Variants in ATP2B3 observed in about 807,000 individuals in gnomAD.
ATP2B3 encodes the protein ATPase plasma membrane Ca2+ transporting 3, also known as plasma membrane calcium-transporting ATPase 3.
ATP2B3 carries 12 observed loss-of-function variants against 70.8 expected under a neutral mutation model. The ratio of observed to expected loss-of-function variants is 0.17; its 90% CI spans 0.11 to 0.27. The LOEUF (loss-of-function observed/expected upper bound fraction) is 0.27, where lower values mean the gene tolerates loss of function less well. ATP2B3 is among the 10% of genes least tolerant of loss of function. ATP2B3 has a pLI of 1.00. For missense variants in ATP2B3, 858 were observed against 1,118.5 expected, an observed-to-expected ratio of 0.77 and a Z score of 3.32; for synonymous variants, 460 against 497.8, an observed-to-expected ratio of 0.92 and a Z score of 1.01.
chrX:153,559,021 C>A (rs781991772), intron 17 of ATP2B3, among the ~76,000 whole-genome samples: 259 of 77,408 alleles, frequency 3.3e-3, no homozygotes, highest in Non-Finnish European at 3.7e-3. Context: ...TCAACTTGGT[C>A]TTTTCAAAAC....
intron 2 of ATP2B3, among the ~76,000 whole-genome samples, chrX:153,527,099 T>A (rs183977587): frequency 3.6e-5 from 4 of 112,634 alleles, no homozygotes; most frequent in African/African-American, 1.3e-4. Flanking sequence ...CTTAATTACC[T>A]ATTTAGGCCC....
chrX:153,524,871 G>A (rs1044085918), intron 2 of ATP2B3, among the ~76,000 whole-genome samples: 1 of 111,974 alleles, frequency 8.9e-6, no homozygotes, highest in Non-Finnish European at 1.9e-5. Flanking sequence ...CTCCCTCCCC[G>A]CCAAGATAAA....
At chrX:153,523,967 A>G (rs1435346877) in intron 2 of ATP2B3, among the ~76,000 whole-genome samples, 1 of 111,869 alleles carries the variant, frequency 8.9e-6, no homozygotes, top group Non-Finnish European at 1.9e-5. Context: ...AAGTGCTGGA[A>G]TGAAAGGCGT....
At chrX:153,525,500 A>C (rs2090018670) in intron 2 of ATP2B3, among the ~76,000 whole-genome samples, 1 of 111,922 alleles carries the variant, frequency 8.9e-6, no homozygotes, top group Non-Finnish European at 1.9e-5. Context: ...CACCAGGCAC[A>C]AGGGTCCATT....
At chrX:153,555,534 T>G (rs1019085448) in intron 13 of ATP2B3, among the ~76,000 whole-genome samples, 3 of 111,517 alleles carry the variant, frequency 2.7e-5, no homozygotes, top group Non-Finnish European at 5.7e-5. Context: ...TCCCCGAGCC[T>G]GAAGAGCCAC....
intron 5 of ATP2B3, among the ~76,000 whole-genome samples, 166 bp from the exon 6 acceptor site, chrX:153,542,157 A>G (rs1313325666): frequency 2.4e-5 from 1 of 42,544 alleles, no homozygotes; most frequent in African/African-American, 4.8e-5. Flanking sequence ...CACAGCCTCC[A>G]CGGCGGGCTT....
At position 153,556,324 on chromosome X, in the gene ATP2B3, T is replaced by A; in HGVS notation, c.2239-7T>A. ...CTCTGCAGCGTCCTTGTGCTTCCCC[T>A]CCCCAGATAGAACAGGAGCGGCTGG... On this transcript the variant is annotated splice_polypyrimidine_tract_variant and splice_region_variant and intron_variant, in intron 14 of 21. Coordinates refer to ENST00000263519, the MANE Select transcript of ATP2B3 (RefSeq NM_001001344.3). 1 of 1,205,042 alleles carries A rather than the reference T, an allele frequency of 8.3e-7. No individual in the cohort carries two copies. The highest frequency in any genetic ancestry group is 1.1e-6 in the Non-Finnish European group (1 of 892,992).
chrX:153,533,811 G>C (rs941371093), intron 2 of ATP2B3, among the ~76,000 whole-genome samples: 1 of 111,829 alleles, frequency 8.9e-6, no homozygotes, highest in Non-Finnish European at 1.9e-5. Flanking sequence ...GCAGCTGTAC[G>C]ACCTGGTATG....
At chrX:153,531,296 C>A (rs2090114103) in intron 2 of ATP2B3, among the ~76,000 whole-genome samples, 1 of 113,377 alleles carries the variant, frequency 8.8e-6, no homozygotes, top group African/African-American at 3.2e-5. Flanking sequence ...TAGGGGCCCA[C>A]CCCGGGCCTG....
chrX:153,520,215 G>A, intron 2 of ATP2B3, among the ~76,000 whole-genome samples: 1 of 112,791 alleles, frequency 8.9e-6, no homozygotes, highest in South Asian at 3.7e-4. Context: ...GCCACGGAGT[G>A]CCGGGGTCAG....
Position 153,580,348 on chromosome X carries a change from A to G in ATP2B3, c.*50A>G. On this transcript the variant is annotated 3_prime_UTR_variant, in exon 22 of 22. Transcript: ENST00000263519. ...CACACGCACACTCGGACTCACACGA[A>G]GTCACACGCACACATGCACGCACAC... is the stretch of plus-strand genomic sequence containing the variant. 5 of 1,103,855 alleles carry G rather than the reference A, an allele frequency of 4.5e-6. No homozygotes were observed. The highest frequency in any genetic ancestry group is 6.2e-6 in the Non-Finnish European group (5 of 810,912). 91.0% of individuals were successfully genotyped at this position (1,103,855 alleles called of 1,213,427 possible). A position where few individuals can be genotyped will look rare whatever the true frequency, so the allele number is the denominator to read the frequency against.
At chrX:153,553,743 A>G (rs1197935165) in intron 13 of ATP2B3, among the ~76,000 whole-genome samples, 1 of 113,100 alleles carries the variant, frequency 8.8e-6, no homozygotes, top group Non-Finnish European at 1.9e-5. Flanking sequence ...GGACGATGCC[A>G]CCAGGGGAGT....
intron 12 of ATP2B3, 35 bp downstream of exon 12, chrX:153,550,321 C>T (rs782124665): frequency 5.8e-6 from 7 of 1,205,734 alleles, no homozygotes; most frequent in East Asian, 3.0e-5. Flanking sequence ...GGGGTACGCA[C>T]GGAGTTTCTG....
At chrX:153,533,636 T>C (rs1347487644) in intron 2 of ATP2B3, among the ~76,000 whole-genome samples, 1 of 110,468 alleles carries the variant, frequency 9.1e-6, no homozygotes, top group Non-Finnish European at 1.9e-5. Context: ...GCTTGCTTGC[T>C]GAGGGGTGGG....
chrX:153,543,282 G>A, intron 7 of ATP2B3, 114 bp downstream of exon 7: 1 of 995,753 alleles, frequency 1.0e-6, no homozygotes, highest in Non-Finnish European at 1.3e-6. Context: ...GCCCAAGTGG[G>A]TGGGAGGCCG....
At chrX:153,533,155 C>T (rs1557002556) in intron 2 of ATP2B3, 1 of 111,594 alleles carries the variant, frequency 9.0e-6, no homozygotes, top group South Asian at 3.8e-4. Flanking sequence ...CGGGACTGAC[C>T]ACGCGGTAGA....
intron 21 of ATP2B3, among the ~76,000 whole-genome samples, chrX:153,576,204 G>A (rs782705503): frequency 9.0e-6 from 1 of 111,355 alleles, no homozygotes; most frequent in Admixed American, 9.5e-5. Flanking sequence ...GCCAGAGAGA[G>A]CTCGGAAACT....
chrX:153,567,310 C>T (rs1272355648), intron 21 of ATP2B3, among the ~76,000 whole-genome samples: 5 of 113,556 alleles, frequency 4.4e-5, no homozygotes, highest in Admixed American at 1.8e-4. Flanking sequence ...GCATTCACAT[C>T]TCCCCCAGTG....
Position 153,564,938 on chromosome X carries a change from C to T in ATP2B3, c.3177C>T (p.Pro1059=). 8.4e-7 allele frequency: 1 copy of T among 1,194,192 alleles called. No homozygotes were observed. The highest frequency in any genetic ancestry group is 1.1e-6 in the Non-Finnish European group (1 of 885,845). The change falls in exon 21 of 22, where the codon CCC becomes CCT. Residue 1059 remains proline, a synonymous_variant. Transcript: ENST00000263519. ...LVWGQVIATI[P]TSQLKCLKEA... ...TCCCCCAGGTCATTGCCACCATCCC[C>T]ACCAGCCAGCTCAAGTGCCTGAAGG... is the stretch of plus-strand genomic sequence containing the variant.
Sources: allele counts gnomAD v4.1 joint callset (sites outside exome capture counted in the v4.1 genomes callset), GRCh38; gene constraint gnomAD v4.1.1; transcripts MANE v1.5; gene names NCBI Gene and HGNC (gene_info 2026-07-23, HGNC 2026-07-21).